The following SETD5 variants were observed in gnomAD, a reference collection of about 807,000 sequenced individuals.
SETD5 encodes the protein SET domain containing 5, also known as histone-lysine N-methyltransferase SETD5.
A neutral mutation model predicts 153.3 loss-of-function variants in SETD5; 44 were observed. That is an observed-to-expected ratio of 0.29 (90% CI 0.23 to 0.37). SETD5 has a LOEUF of 0.37. Ranked by LOEUF, SETD5 falls within the 10% of genes least tolerant of loss-of-function variation. SETD5 has a pLI of 1.00. For missense variants in SETD5, 1,544 were observed against 1,768.0 expected (o/e 0.87, Z 2.27); for synonymous variants, 716 against 645.2 (o/e 1.11, Z -1.66).
intron 13 of SETD5, 123 bp downstream of exon 13, chr3:9,445,863 T>G (rs1215937430): frequency 2.0e-6 from 1 of 493,608 alleles, no homozygotes; most frequent in Non-Finnish European, 3.4e-6. Context: ...TAATTTGGGC[T>G]TTTTCCGTAA....
intron 9 of SETD5, 59 bp downstream of exon 9, chr3:9,441,800 T>C: frequency 6.2e-7 from 1 of 1,603,588 alleles, no homozygotes; most frequent in Non-Finnish European, 8.5e-7. Flanking sequence ...ACCAGTGTTG[T>C]TGTAAAAATC....
chr3:9,458,679 T>C (rs1376220948), intron 17 of SETD5, among the ~76,000 whole-genome samples: 1 of 152,200 alleles, frequency 6.6e-6, no homozygotes, highest in Non-Finnish European at 1.5e-5. Context: ...TCTGTATTAA[T>C]AGAGGATTAG....
chr3:9,464,099 G>C (rs566977727), intron 17 of SETD5, among the ~76,000 whole-genome samples: 46 of 152,298 alleles, frequency 3.0e-4, no homozygotes, highest in African/African-American at 9.9e-4. Flanking sequence ...TTGCACTCCA[G>C]CCTTAGCGAC....
chr3:9,445,963 TTG>T lies in SETD5; in HGVS notation c.1524+225_1524+226del, dbSNP rs371859102. On this transcript the variant is annotated intron_variant, in intron 13 of 22. Transcript: ENST00000402198. ...ATTATCTAGTGATGGTTTGAAGAGG[TTG>T]TTTTTTTTTTTTTTTTTTTTTTTAC... is the stretch of plus-strand genomic sequence containing the variant. Among the ~76,000 whole-genome samples the T allele has an allele frequency of 3.1e-3, 437 of 140,280 alleles. 15 individuals are homozygous for T. The highest frequency in any genetic ancestry group is 6.2e-3 in the African/African-American group (221 of 35,906). The allele number at this position is 140,280 out of a possible 152,430, so 92.0% of individuals were successfully genotyped here.
At chr3:9,454,640 A>AC (rs2043010403) in intron 17 of SETD5, among the ~76,000 whole-genome samples, 1 of 151,288 alleles carries the variant, frequency 6.6e-6, no homozygotes, top group Admixed American at 6.6e-5. Flanking sequence ...AAAAAAAAAA[A>AC]AAAAAAAAAA....
chr3:9,453,174 A>T (rs1028618751), intron 16 of SETD5, among the ~76,000 whole-genome samples: 4 of 151,896 alleles, frequency 2.6e-5, no homozygotes, highest in Non-Finnish European at 5.9e-5. Context: ...TAACCAAACT[A>T]CTTGTTGGAG....
Position 9,430,112 on chromosome 3 carries a change from C to T in SETD5, c.71+1103C>T, listed in dbSNP as rs530435057. ...ATTTTCACAGTCCCTGGGGATTCTT[C>T]CCCCTTCAGCAAAGCAAAGCAACTG... On this transcript the variant is annotated intron_variant, in intron 3 of 22. Coordinates refer to ENST00000402198, the MANE Select transcript of SETD5 (RefSeq NM_001080517.3). 6 of 1,026,876 alleles carry T rather than the reference C, an allele frequency of 5.8e-6. No homozygotes were observed. The Admixed American group carries it at 2.7e-4, about 47-fold the overall frequency. The allele number at this position is 1,026,876 out of a possible 1,614,324, so 63.6% of individuals were successfully genotyped here.
chr3:9,477,679 A>AT lies in SETD5; in HGVS notation c.*1610dup, dbSNP rs58994037. On this transcript the variant is annotated 3_prime_UTR_variant, in exon 23 of 23. Transcript: ENST00000402198. Reference sequence around the variant, plus strand: ...CAGGTGTTTGCTCAAATGAGGGGAGATTTTTTTTTTTTTTTTTTTTTTAAA... The same window carrying AT: ...CAGGTGTTTGCTCAAATGAGGGGAGATTTTTTTTTTTTTTTTTTTTTTTAAA... 1,223 of 125,836 alleles carry AT rather than the reference A, an allele frequency of 9.7e-3. 11 individuals carry two copies. The highest frequency in any genetic ancestry group is 0.03 in the East Asian group (126 of 4,208). 7.8% of individuals were successfully genotyped at this position (125,836 alleles called of 1,614,324 possible). A position where few individuals can be genotyped will look rare whatever the true frequency, so the allele number is the denominator to read the frequency against.
chr3:9,439,907 AGATT>A lies in SETD5; in HGVS notation c.568-540_568-537del, dbSNP rs565523515. Reference sequence around the variant, plus strand: ...TAGTAAGATTGGGATTGGATTAATGAGATTGATTGATTAAGATCACATCTAGGTT... The same window carrying A: ...TAGTAAGATTGGGATTGGATTAATGAGATTGATTAAGATCACATCTAGGTT... On this transcript the variant is annotated intron_variant, in intron 7 of 22. Coordinates refer to ENST00000402198, the MANE Select transcript of SETD5 (RefSeq NM_001080517.3). Among the ~76,000 whole-genome samples, 240 of 152,340 alleles carry A rather than the reference AGATT, an allele frequency of 1.6e-3. 1 individual carries two copies. The highest frequency in any genetic ancestry group is 5.4e-3 in the African/African-American group (226 of 41,584).
rs2041141028 is a variant in SETD5 at position 9,440,453 on chromosome 3, C to T, written c.568-3C>T. 1 of 1,493,420 alleles carries T rather than the reference C, an allele frequency of 6.7e-7. No individual in the cohort carries two copies. Among genetic ancestry groups the T allele is most frequent in the Non-Finnish European group, 9.3e-7 (1 of 1,070,342 alleles). The allele number at this position is 1,493,420 out of a possible 1,614,324, so 92.5% of individuals were successfully genotyped here. ...CTAACCTCCCTGAATTTGTTTTCTA[C>T]AGAATTCTCCCTCTGAAGCACAGAA... On this transcript the variant is annotated splice_region_variant and splice_polypyrimidine_tract_variant and intron_variant, in intron 7 of 22. Transcript: ENST00000402198.
At chr3:9,450,138 T>C (rs1395589970) in intron 16 of SETD5, among the ~76,000 whole-genome samples, 1 of 152,242 alleles carries the variant, frequency 6.6e-6, no homozygotes, top group Non-Finnish European at 1.5e-5. Flanking sequence ...ACTTCAGATC[T>C]GGTAGAAAAT....
chr3:9,416,482 A>G (rs1014736517), intron 1 of SETD5, among the ~76,000 whole-genome samples: 2 of 152,204 alleles, frequency 1.3e-5, no homozygotes, highest in Admixed American at 1.3e-4. Context: ...AAATTTATCA[A>G]CAAACTCGTG....
chr3:9,439,510 C>A (rs368657136), intron 7 of SETD5, among the ~76,000 whole-genome samples: 1 of 152,180 alleles, frequency 6.6e-6, no homozygotes, highest in African/African-American at 2.4e-5. Context: ...ACTACAGTGT[C>A]TTTTCCTTCT....
chr3:9,457,062 C>T (rs2043346049), intron 17 of SETD5, among the ~76,000 whole-genome samples: 1 of 151,958 alleles, frequency 6.6e-6, no homozygotes, highest in African/African-American at 2.4e-5. Flanking sequence ...TTTTAAGTTC[C>T]TAAAAGCTGA....
At chr3:9,404,230 A>AGATGT (rs757839574) in intron 1 of SETD5, among the ~76,000 whole-genome samples, 2 of 152,218 alleles carry the variant, frequency 1.3e-5, no homozygotes, top group Non-Finnish European at 2.9e-5. Context: ...TTAGCAGAGG[A>AGATGT]GATGTTTTAA....
chr3:9,443,491 C>A, intron 11 of SETD5, 74 bp downstream of exon 11: 1 of 798,900 alleles, frequency 1.3e-6, no homozygotes, highest in Non-Finnish European at 1.8e-6. Context: ...TATTTAAAGT[C>A]TGCTCTTGTT....
At chr3:9,459,389 A>G (rs1366146346) in intron 17 of SETD5, among the ~76,000 whole-genome samples, 1 of 152,162 alleles carries the variant, frequency 6.6e-6, no homozygotes, top group Non-Finnish European at 1.5e-5. Context: ...TCATTTTATC[A>G]AATTAACTCC....
intron 7 of SETD5, among the ~76,000 whole-genome samples, chr3:9,437,530 T>C (rs1307523505): frequency 2.0e-5 from 3 of 151,558 alleles, no homozygotes; most frequent in Non-Finnish European, 4.4e-5. Flanking sequence ...TACGTGTGTG[T>C]GTGTGTGTGT....
chr3:9,425,424 G>C (rs1163503747), intron 2 of SETD5, among the ~76,000 whole-genome samples: 2 of 152,122 alleles, frequency 1.3e-5, no homozygotes, highest in Admixed American at 6.5e-5. Context: ...TGTTTCATTA[G>C]TGAATGTAGC....
Sources: allele counts gnomAD v4.1 joint callset (sites outside exome capture counted in the v4.1 genomes callset), GRCh38; gene constraint gnomAD v4.1.1; transcripts MANE v1.5; gene names NCBI Gene and HGNC (gene_info 2026-07-23, HGNC 2026-07-21).